Variants in NBEA observed in about 807,000 individuals in gnomAD.
NBEA encodes neurobeachin.
Under a neutral mutation model 343.4 loss-of-function variants are expected in NBEA, and 44 were observed. The observed-to-expected ratio is 0.13, with a 90% CI of 0.10 to 0.16. The LOEUF is 0.16. NBEA is among the 10% of genes least tolerant of loss of function. The pLI, the probability that NBEA is intolerant of heterozygous loss-of-function variation, is 1.00. For missense variants in NBEA, 2,555 were observed against 3,631.3 expected (o/e 0.70, Z 7.62); for synonymous variants, 1,175 against 1,238.7 (o/e 0.95, Z 1.08).
chr13:35,562,813 C>G (rs1250620152), intron 44 of NBEA, among the ~76,000 whole-genome samples: 1 of 151,970 alleles, frequency 6.6e-6, no homozygotes, highest in Non-Finnish European at 1.5e-5. Context: ...CAGATGCTGC[C>G]ATCATCTAAT....
intron 18 of NBEA, among the ~76,000 whole-genome samples, chr13:35,154,459 A>G (rs1232633095): frequency 6.6e-6 from 1 of 152,230 alleles, no homozygotes; most frequent in African/African-American, 2.4e-5. Flanking sequence ...CAGATATAAA[A>G]TGATGTCTGT....
At chr13:35,275,897 T>C (rs1176668981) in intron 34 of NBEA, among the ~76,000 whole-genome samples, 1 of 151,902 alleles carries the variant, frequency 6.6e-6, no homozygotes, top group Non-Finnish European at 1.5e-5. Flanking sequence ...AAATACCTAA[T>C]GTAAATGACG....
intron 10 of NBEA, among the ~76,000 whole-genome samples, chr13:35,093,932 G>C (rs562659084): frequency 6.6e-6 from 1 of 151,532 alleles, no homozygotes; most frequent in Non-Finnish European, 1.5e-5. Flanking sequence ...TAATAAAAAG[G>C]CATTTTGCTC....
chr13:35,007,652 A>T (rs1006331155), intron 1 of NBEA, among the ~76,000 whole-genome samples: 2 of 152,046 alleles, frequency 1.3e-5, no homozygotes, highest in African/African-American at 4.8e-5. Flanking sequence ...CTACTGTGCC[A>T]CAGCTAATTT....
chr13:35,397,277 A>G (rs959402935), intron 38 of NBEA, among the ~76,000 whole-genome samples: 2 of 152,152 alleles, frequency 1.3e-5, no homozygotes, highest in African/African-American at 4.8e-5. Context: ...GGCTGTCTCT[A>G]CTGTCAGTGC....
intron 1 of NBEA, among the ~76,000 whole-genome samples, chr13:34,994,572 A>C (rs1014856537): frequency 5.9e-5 from 9 of 152,150 alleles, no homozygotes; most frequent in Non-Finnish European, 1.3e-4. Flanking sequence ...TTTCAGATAC[A>C]ATTTACCATA....
intron 36 of NBEA, 76 bp downstream of exon 36, chr13:35,309,668 C>A: frequency 1.3e-6 from 1 of 750,750 alleles, no homozygotes; most frequent in South Asian, 2.0e-5. Context: ...TTCCTACCAT[C>A]TGTTCCAAAA....
chr13:35,504,548 A>G (rs1013082877), intron 41 of NBEA, among the ~76,000 whole-genome samples: 17 of 152,142 alleles, frequency 1.1e-4, no homozygotes, highest in Non-Finnish European at 1.6e-4. Context: ...TAAAGATAAA[A>G]GATAAAAATC....
At chr13:35,561,501 C>T (rs2079855016) in intron 44 of NBEA, among the ~76,000 whole-genome samples, 1 of 152,088 alleles carries the variant, frequency 6.6e-6, no homozygotes, top group African/African-American at 2.4e-5. Context: ...TAGATTAAAA[C>T]AGTACCAAAC....
intron 44 of NBEA, among the ~76,000 whole-genome samples, chr13:35,561,813 TA>T (rs2079870878): frequency 6.6e-6 from 1 of 152,150 alleles, no homozygotes; most frequent in African/African-American, 2.4e-5. Context: ...ATACTTTACA[TA>T]GAAGTATCTT....
intron 51 of NBEA, among the ~76,000 whole-genome samples, chr13:35,647,701 G>A (rs1211248718): frequency 6.6e-6 from 1 of 151,942 alleles, no homozygotes; most frequent in African/African-American, 2.4e-5. Context: ...CGAGTAGCCG[G>A]GATTACAGGT....
At chr13:35,431,686 T>A (rs2045122276) in intron 38 of NBEA, among the ~76,000 whole-genome samples, 1 of 152,216 alleles carries the variant, frequency 6.6e-6, no homozygotes, top group African/African-American at 2.4e-5. Context: ...TAATTCAGTA[T>A]TATTAATAAT....
At chr13:35,044,616 G>GTA (rs2062777543) in intron 2 of NBEA, among the ~76,000 whole-genome samples, 1 of 150,906 alleles carries the variant, frequency 6.6e-6, no homozygotes, top group South Asian at 2.2e-4. Context: ...GTGTGTGTGT[G>GTA]TGTGTGTGTG....
intron 39 of NBEA, among the ~76,000 whole-genome samples, chr13:35,450,080 A>G (rs1215142377): frequency 6.6e-6 from 1 of 152,196 alleles, no homozygotes; most frequent in Non-Finnish European, 1.5e-5. Context: ...GAATTAGCCT[A>G]TATTCACTGA....
chr13:35,389,967 T>TAG (rs918038847), intron 38 of NBEA, among the ~76,000 whole-genome samples: 2 of 40,132 alleles, frequency 5.0e-5, no homozygotes, highest in African/African-American at 1.6e-4. Flanking sequence ...ATGTCTTTTG[T>TAG]AGAGTGTGTG....
intron 1 of NBEA, among the ~76,000 whole-genome samples, chr13:35,023,335 A>G (rs2061910678): frequency 6.6e-6 from 1 of 152,176 alleles, no homozygotes; most frequent in Non-Finnish European, 1.5e-5. Flanking sequence ...TACAGGTCAG[A>G]TGCCTAAGGA....
At chr13:35,182,281 A>G (rs2071368974) in intron 28 of NBEA, 79 bp from the exon 29 acceptor site, 1 of 1,292,126 alleles carries the variant, frequency 7.7e-7, no homozygotes, top group Middle Eastern at 2.1e-4. Flanking sequence ...TAAAGATAAT[A>G]AAATAGCAGT....
intron 34 of NBEA, among the ~76,000 whole-genome samples, chr13:35,236,731 C>T (rs1445891780): frequency 6.6e-6 from 1 of 151,580 alleles, no homozygotes; most frequent in African/African-American, 2.4e-5. Context: ...GCTGGGATTA[C>T]AGCCATGAGC....
chr13:34,977,531 A>T (rs2060222240), intron 1 of NBEA, among the ~76,000 whole-genome samples: 1 of 151,664 alleles, frequency 6.6e-6, no homozygotes, highest in African/African-American at 2.4e-5. Context: ...CTGATCTCGA[A>T]CTCCTGACCT....
Sources: gnomAD v4.1 joint callset for allele counts (sites outside exome capture counted in the v4.1 genomes callset) on GRCh38, gnomAD v4.1.1 for gene constraint, MANE v1.5 for transcripts, NCBI Gene and HGNC (gene_info 2026-07-23, HGNC 2026-07-21) for gene names.